Variants in MX1 observed in about 807,000 individuals in gnomAD.
MX1 encodes the protein interferon-induced GTP-binding protein Mx1.
Under a neutral mutation model 66.4 loss-of-function variants are expected in MX1, and 66 were observed. That is an observed-to-expected ratio of 0.99 (90% CI 0.82 to 1.22). MX1 has a LOEUF of 1.22. MX1 is among the 50% of genes most tolerant of loss of function. The pLI is 0.00. For missense variants in MX1, 787 were observed against 834.3 expected (o/e 0.94, Z 0.70); for synonymous variants, 311 against 318.1 (o/e 0.98, Z 0.24).
rs780585896 is a variant in MX1, at chr21:41,452,597, GTATT to G, written c.1510-14_1510-11del. On this transcript the variant is annotated intron_variant, in intron 15 of 16. Transcript: ENST00000398598. ...AGGAATTTGTGTCTTGAGGGAAACT[GTATT>G]TATTTATTTTTTACTGTAGTCCAAA... is the stretch of plus-strand genomic sequence containing the variant. The G allele has an allele frequency of 3.2e-6, 5 of 1,583,472 alleles. No homozygotes were observed. In the African/African-American group the frequency reaches 4.1e-5, roughly 13 times the overall value.
intron 3 of MX1, 191 bp downstream of exon 3, chr21:41,428,057 C>T (rs1474809324): frequency 1.3e-5 from 2 of 152,276 alleles, no homozygotes; most frequent in African/African-American, 4.8e-5. Flanking sequence ...AGGCACACAT[C>T]ACCACACCTG....
chr21:41,432,700 GCCTGGTTTT>G (rs2090254475), intron 5 of MX1, among the ~76,000 whole-genome samples: 1 of 152,164 alleles, frequency 6.6e-6, no homozygotes, highest in Non-Finnish European at 1.5e-5. Flanking sequence ...CCTGTTATAA[GCCTGGTTTT>G]CCATATCTAA....
intron 16 of MX1, among the ~76,000 whole-genome samples, chr21:41,455,075 A>G (rs1428128886): frequency 1.3e-5 from 2 of 151,546 alleles, no homozygotes; most frequent in Admixed American, 6.6e-5. Flanking sequence ...ATGCCTAGCT[A>G]TTTTTTCTAT....
Position 41,451,255 on chromosome 21 carries a change from C to A in MX1, c.1509+12C>A. 6.5e-7 allele frequency: 1 copy of A among 1,538,484 alleles called. No individual in the cohort carries two copies. On this transcript the variant is annotated intron_variant, in intron 15 of 16. Transcript: ENST00000398598. ...ACAGAACCGCCAAGGTAAAACCAAC[C>A]ATGTGTTGTTTAAAAAAAAAAAAGA...
Position 41,441,830 on chromosome 21 carries a change from G to A in MX1, c.845G>A (p.Gly282Asp). ...KKGYMIVKCRGQQEIQDQLSL... is the reference protein window; with the variant it reads ...KKGYMIVKCRDQQEIQDQLSL... ...GGTTACATGATTGTCAAGTGCCGGG[G>A]CCAGCAGGAGATCCAGGACCAGCTG... is the stretch of plus-strand genomic sequence containing the variant. Residue 282 changes from glycine (G) to aspartate (D), a missense_variant, in exon 10 of 17, where the codon GGC becomes GAC. Transcript: ENST00000398598. The surrounding 1 kb of genome is among the most constrained non-coding windows in gnomAD (Gnocchi z 4.0). The A allele has an allele frequency of 6.2e-7, 1 of 1,614,204 alleles. No homozygotes were observed.
chr21:41,458,090 C>T (rs2090999257), intron 16 of MX1, among the ~76,000 whole-genome samples: 1 of 152,154 alleles, frequency 6.6e-6, no homozygotes, highest in Non-Finnish European at 1.5e-5. Flanking sequence ...TGCAGCCTCC[C>T]CCTGCCTGGG....
Position 41,452,812 on chromosome 21 carries a change from C to T in MX1, c.1701C>T (p.Ser567=), listed in dbSNP as rs776265137. Residue 567 remains serine (S), a synonymous_variant, in exon 16 of 17, where the codon AGC becomes AGT. Transcript: ENST00000398598. The stretch of plus-strand genomic sequence containing the variant: ...GGGATTTTGGGGCTTTCCAGTCCAG[C>T]TCGGCAACAGACTCTTCCATGGAGG... The part of the protein sequence containing the change: ...KSWDFGAFQS[S]SATDSSMEEI... 1 of 1,614,154 alleles carries T rather than the reference C, an allele frequency of 6.2e-7. No individual in the cohort carries two copies. The highest frequency in any genetic ancestry group is 1.1e-5 in the South Asian group (1 of 91,078).
chr21:41,426,430 C>A (rs2090062029), intron 1 of MX1, 167 bp downstream of exon 1: 1 of 152,234 alleles, frequency 6.6e-6, no homozygotes, highest in African/African-American at 2.4e-5. Flanking sequence ...ATAATCATAG[C>A]AAGGGCGCTG....
Position 41,436,011 on chromosome 21 carries a change from G to T in MX1, c.280G>T (p.Ala94Ser). 1.2e-6 allele frequency: 2 copies of T among 1,614,164 alleles called. No homozygotes were observed. Among genetic ancestry groups the T allele is most frequent in the Non-Finnish European group, 1.7e-6 (2 of 1,179,990 alleles). Residue 94 changes from alanine to serine, a missense_variant, in exon 6 of 17, where the codon GCC becomes TCC. By Grantham distance (99) the Ala-to-Ser change is moderately conservative (BLOSUM62 1). Coordinates refer to ENST00000398598, the MANE Select transcript of MX1 (RefSeq NM_002462.5). Reference protein sequence around the residue: ...SSVLEALSGVALPRGSGIVTR... With the variant: ...SSVLEALSGVSLPRGSGIVTR... The stretch of plus-strand genomic sequence containing the variant: ...CGTGTTGGAGGCACTGTCAGGAGTT[G>T]CCCTTCCCAGAGGCAGCGGTAAGAA...
At chr21:41,434,601 C>T (rs1489449119) in intron 5 of MX1, among the ~76,000 whole-genome samples, 1 of 151,924 alleles carries the variant, frequency 6.6e-6, no homozygotes, top group African/African-American at 2.4e-5. Context: ...TTAAGTATAA[C>T]TCTTGGTGTT....
rs772670939 is a variant in MX1, at chr21:41,439,693, G to A, written c.437-1G>A. ...TTTGATTTTCCCTGTCTCTTTTCTA[G>A]CCCAGAATGCCATCGCCGGGGAAGG... On this transcript the variant is annotated splice_acceptor_variant, in intron 7 of 16. Coordinates refer to ENST00000398598, the MANE Select transcript of MX1 (RefSeq NM_002462.5). LOFTEE classifies it high-confidence loss of function. 6.2e-7 allele frequency: 1 copy of A among 1,613,236 alleles called. No individual in the cohort carries two copies. Among genetic ancestry groups the A allele is most frequent in the Non-Finnish European group, 8.5e-7 (1 of 1,179,342 alleles).
At chr21:41,452,133 C>T (rs2090848040) in intron 15 of MX1, among the ~76,000 whole-genome samples, 1 of 152,192 alleles carries the variant, frequency 6.6e-6, no homozygotes, top group South Asian at 2.1e-4. Flanking sequence ...TGCCACTGTG[C>T]ACTGTGCCTC....
rs747964063 is a variant in MX1, at chr21:41,458,514, T to C, written c.1759-14T>C. The C allele has an allele frequency of 3.1e-6, 5 of 1,604,718 alleles. No homozygotes were observed. Among genetic ancestry groups the C allele is most frequent in the Non-Finnish European group, 4.2e-6 (5 of 1,179,468 alleles). On this transcript the variant is annotated splice_polypyrimidine_tract_variant and intron_variant, in intron 16 of 16. Coordinates refer to ENST00000398598, the MANE Select transcript of MX1 (RefSeq NM_002462.5). ...GTCCCCTCCACCCTCCCGTGAACTGTTCTTTCCTTCCAGGAGGCCAGCAAG... is the reference window on the plus strand; with the variant it reads ...GTCCCCTCCACCCTCCCGTGAACTGCTCTTTCCTTCCAGGAGGCCAGCAAG...
chr21:41,449,179 A>G lies in MX1; in HGVS notation c.1316A>G (p.Gln439Arg). The change falls in exon 14 of 17, where the codon CAG becomes CGG. Residue 439 changes from glutamine (Q) to arginine (R), a missense_variant. Coordinates refer to ENST00000398598, the MANE Select transcript of MX1 (RefSeq NM_002462.5). ...AGAAAAATCCAGAAATTTGAAAATCAGTATCGTGGTAGAGAGCTGCCAGGC... is the reference window on the plus strand; with the variant it reads ...AGAAAAATCCAGAAATTTGAAAATCGGTATCGTGGTAGAGAGCTGCCAGGC... Reference protein sequence around the residue: ...LSRKIQKFENQYRGRELPGFV... With the variant: ...LSRKIQKFENRYRGRELPGFV... 6.2e-7 allele frequency: 1 copy of G among 1,613,372 alleles called. No homozygotes were observed. The highest frequency in any genetic ancestry group is 1.1e-5 in the South Asian group (1 of 90,808).
chr21:41,456,322 T>C (rs1959337821), intron 16 of MX1, among the ~76,000 whole-genome samples: 1 of 152,184 alleles, frequency 6.6e-6, no homozygotes, highest in South Asian at 2.1e-4. Flanking sequence ...TTTCAAGGAA[T>C]TGGCTTCTGC....
intron 13 of MX1, 74 bp from the exon 14 acceptor site, chr21:41,449,063 A>G (rs544773645): frequency 3.7e-6 from 5 of 1,360,664 alleles, no homozygotes; most frequent in Non-Finnish European, 5.0e-6. Context: ...AAAATTTAGA[A>G]TGGTATTGTG....
upstream of MX1, among the ~76,000 whole-genome samples, chr21:41,424,863 G>A (rs868208008): frequency 2.6e-5 from 4 of 152,214 alleles, no homozygotes; most frequent in Non-Finnish European, 4.4e-5. Flanking sequence ...CTTATATGTC[G>A]TTTGAGATGG....
chr21:41,451,260 G>A lies in MX1; in HGVS notation c.1509+17G>A. ...ACCGCCAAGGTAAAACCAACCATGT[G>A]TTGTTTAAAAAAAAAAAAGAAAAGA... is the stretch of plus-strand genomic sequence containing the variant. On this transcript the variant is annotated intron_variant, in intron 15 of 16. Transcript: ENST00000398598. 1 of 1,489,528 alleles carries A rather than the reference G, an allele frequency of 6.7e-7. No homozygotes were observed. Among genetic ancestry groups the A allele is most frequent in the Non-Finnish European group, 9.2e-7 (1 of 1,086,094 alleles). 92.3% of individuals were successfully genotyped at this position (1,489,528 alleles called of 1,614,324 possible).
chr21:41,430,256 G>A (rs909927222), intron 3 of MX1, among the ~76,000 whole-genome samples: 9 of 152,128 alleles, frequency 5.9e-5, no homozygotes, highest in African/African-American at 1.4e-4. Flanking sequence ...CATGGCTCTC[G>A]GGGGAGATTC....
Sources: allele counts gnomAD v4.1 joint callset (sites outside exome capture counted in the v4.1 genomes callset), GRCh38; gene constraint gnomAD v4.1.1; non-coding constraint Gnocchi (gnomAD v3.1); transcripts MANE v1.5; gene names NCBI Gene and HGNC (gene_info 2026-07-23, HGNC 2026-07-21).